The following CACHD1 variants were observed in gnomAD, a reference collection of about 807,000 sequenced individuals.
The protein encoded by CACHD1 is VWFA and cache domain-containing protein 1.
In CACHD1, 71 loss-of-function variants were observed where a neutral mutation model predicts 138.7. The observed-to-expected ratio is 0.51, with a 90% CI of 0.42 to 0.62. The LOEUF is 0.62. Ranked by LOEUF, CACHD1 falls within the 20% of genes least tolerant of loss-of-function variation. CACHD1 has a pLI of 0.00. For missense variants in CACHD1, 1,389 were observed against 1,625.3 expected, an observed-to-expected ratio of 0.85 and a Z score of 2.50; for synonymous variants, 578 against 591.5, an observed-to-expected ratio of 0.98 and a Z score of 0.33.
Position 64,686,626 on chromosome 1 carries a change from A to G in CACHD1, c.3586+4520A>G, listed in dbSNP as rs564723424. 3.7e-4 allele frequency among the ~76,000 whole-genome samples: 56 copies of G among 152,332 alleles called. No homozygotes were observed. In the Middle Eastern group the frequency reaches 0.01, roughly 28 times the overall value. Reference sequence around the variant, plus strand: ...TGCTTTGCCCATTTCTCTTAAAAATATCATGTTCTGTCCAATCATCTATTG... The same window carrying G: ...TGCTTTGCCCATTTCTCTTAAAAATGTCATGTTCTGTCCAATCATCTATTG... On this transcript the variant is annotated intron_variant, in intron 26 of 26. Coordinates refer to ENST00000651257, the MANE Select transcript of CACHD1 (RefSeq NM_020925.4).
At chr1:64,661,836 C>T (rs1017385200) in intron 13 of CACHD1, among the ~76,000 whole-genome samples, 3 of 152,176 alleles carry the variant, frequency 2.0e-5, no homozygotes, top group African/African-American at 7.2e-5. Context: ...TGAAACATAA[C>T]ATTATTTAAT....
At chr1:64,485,911 G>T (rs1365699653) in intron 1 of CACHD1, among the ~76,000 whole-genome samples, 2 of 152,150 alleles carry the variant, frequency 1.3e-5, no homozygotes, top group Non-Finnish European at 2.9e-5. Flanking sequence ...TATGTTAAGT[G>T]TATGTTAAAC....
intron 1 of CACHD1, among the ~76,000 whole-genome samples, chr1:64,500,957 G>A (rs1036527780): frequency 6.6e-6 from 1 of 151,610 alleles, no homozygotes; most frequent in African/African-American, 2.4e-5. Context: ...GCTGAGGCAG[G>A]AGAATTGCTT....
chr1:64,540,227 A>ACCCTC (rs1013013294), intron 1 of CACHD1, among the ~76,000 whole-genome samples: 8 of 151,712 alleles, frequency 5.3e-5, no homozygotes, highest in Non-Finnish European at 1.0e-4. Context: ...ATAAAGCACC[A>ACCCTC]CCCTCCAAGA....
chr1:64,656,526 T>TA (rs1228678223), intron 12 of CACHD1, among the ~76,000 whole-genome samples: 2 of 152,166 alleles, frequency 1.3e-5, no homozygotes, highest in African/African-American at 4.8e-5. Flanking sequence ...CCTGGGAAAA[T>TA]ATCTGCATGG....
At chr1:64,576,362 G>A (rs1024987465) in intron 2 of CACHD1, among the ~76,000 whole-genome samples, 3 of 151,950 alleles carry the variant, frequency 2.0e-5, no homozygotes, top group Non-Finnish European at 4.4e-5. Context: ...TTGGCCCTTC[G>A]GTCCTCTTCA....
chr1:64,602,767 G>A, intron 3 of CACHD1, 39 bp from the exon 4 acceptor site: 7 of 1,410,242 alleles, frequency 5.0e-6, no homozygotes, highest in Non-Finnish European at 6.0e-6. Context: ...GGTTTTTCTG[G>A]CCTGAATAAG....
At chr1:64,474,906 A>G (rs1334625217) in intron 1 of CACHD1, among the ~76,000 whole-genome samples, 2 of 152,226 alleles carry the variant, frequency 1.3e-5, no homozygotes, top group Non-Finnish European at 2.9e-5. Context: ...TTGGTCAGAC[A>G]GCTGCTGGAT....
intron 1 of CACHD1, among the ~76,000 whole-genome samples, chr1:64,494,234 TA>T (rs1646294095): frequency 6.6e-6 from 1 of 152,224 alleles, no homozygotes; most frequent in Non-Finnish European, 1.5e-5. Context: ...TCCTCTTAGT[TA>T]ATGCTTTAGA....
chr1:64,659,161 T>C (rs1183418527), intron 13 of CACHD1, among the ~76,000 whole-genome samples: 2 of 152,174 alleles, frequency 1.3e-5, no homozygotes, highest in African/African-American at 4.8e-5. Context: ...ACAAGTTTGA[T>C]GTTGAGTGAA....
Position 64,663,790 on chromosome 1 carries a change from G to T in CACHD1, c.2047G>T (p.Ala683Ser), listed in dbSNP as rs1557545992. The change falls in exon 14 of 27, where the codon GCC becomes TCC. Residue 683 changes from alanine to serine, a missense_variant. Physicochemically the swap from Ala to Ser is moderately conservative, Grantham distance 99 (BLOSUM62 1). This residue lies in a region of CACHD1 where 1,000 missense variants were observed against 1,114.7 expected (regional missense o/e 0.90). Coordinates refer to ENST00000651257, the MANE Select transcript of CACHD1 (RefSeq NM_020925.4). Reference sequence around the variant, plus strand: ...AAAGCGCATGGTAGAGCACTACACCGCCTATCTCAGCGACAACACCCGCCT... The same window carrying T: ...AAAGCGCATGGTAGAGCACTACACCTCCTATCTCAGCGACAACACCCGCCT... ...ETKRMVEHYTAYLSDNTRLIA... is the reference protein window; with the variant it reads ...ETKRMVEHYTSYLSDNTRLIA... The T allele has an allele frequency of 6.2e-7, 1 of 1,614,034 alleles. No homozygotes were observed. Among genetic ancestry groups the T allele is most frequent in the African/African-American group, 1.3e-5 (1 of 75,002 alleles).
At chr1:64,496,882 A>C (rs1206848092) in intron 1 of CACHD1, among the ~76,000 whole-genome samples, 1 of 151,346 alleles carries the variant, frequency 6.6e-6, no homozygotes, top group Admixed American at 6.6e-5. Context: ...AAAAAAAAGA[A>C]AGAAAAAGAA....
chr1:64,585,731 G>A (rs1425453713), intron 3 of CACHD1, among the ~76,000 whole-genome samples: 1 of 152,214 alleles, frequency 6.6e-6, no homozygotes, highest in Non-Finnish European at 1.5e-5. Flanking sequence ...TTTGCAACAG[G>A]AAGTGGCCTG....
At chr1:64,511,771 A>G (rs962734739) in intron 1 of CACHD1, among the ~76,000 whole-genome samples, 1 of 152,232 alleles carries the variant, frequency 6.6e-6, no homozygotes, top group Non-Finnish European at 1.5e-5. Flanking sequence ...AAAGCTAGAC[A>G]GCAAAGTGGT....
rs148540562 is a variant in CACHD1 at position 64,579,831 on chromosome 1, T to C, written c.262-2325T>C. On this transcript the variant is annotated intron_variant, in intron 2 of 26. Transcript: ENST00000651257. Reference sequence around the variant, plus strand: ...GAAGATACAGTGGTGAACAAAAACATATATCGTATGTTATCTTTTAACATC... The same window carrying C: ...GAAGATACAGTGGTGAACAAAAACACATATCGTATGTTATCTTTTAACATC... 365 of 154,172 alleles carry C rather than the reference T, an allele frequency of 2.4e-3. 2 individuals are homozygous for C. Among genetic ancestry groups the C allele is most frequent in the African/African-American group, 8.5e-3 (353 of 41,578 alleles). 9.6% of individuals were successfully genotyped at this position (154,172 alleles called of 1,614,324 possible). A position where few individuals can be genotyped will look rare whatever the true frequency, so the allele number is the denominator to read the frequency against.
chr1:64,581,347 C>T (rs1283210399), intron 2 of CACHD1, among the ~76,000 whole-genome samples: 1 of 152,132 alleles, frequency 6.6e-6, no homozygotes, highest in Non-Finnish European at 1.5e-5. Context: ...AGCTATAATT[C>T]TATCAGTCAT....
Position 64,679,632 on chromosome 1 carries a change from C to T in CACHD1, c.3282C>T (p.Ala1094=). 1.2e-6 allele frequency: 2 copies of T among 1,614,166 alleles called. No homozygotes were observed. Among genetic ancestry groups the T allele is most frequent in the Non-Finnish European group, 1.7e-6 (2 of 1,180,036 alleles). The part of the protein sequence containing the change: ...EVITLNMIKS[A]PVGPVAGGIM... Reference sequence around the variant, plus strand: ...TCACATTAAACATGATTAAAAGCGCCCCTGTGGGTCCTGTGGCTGGAGGGA... The same window carrying T: ...TCACATTAAACATGATTAAAAGCGCTCCTGTGGGTCCTGTGGCTGGAGGGA... Residue 1094 remains alanine, a synonymous_variant, in exon 24 of 27, where the codon GCC becomes GCT. Coordinates refer to ENST00000651257, the MANE Select transcript of CACHD1 (RefSeq NM_020925.4).
intron 1 of CACHD1, among the ~76,000 whole-genome samples, chr1:64,546,724 C>A (rs1646721019): frequency 1.3e-5 from 2 of 152,112 alleles, no homozygotes; most frequent in South Asian, 2.1e-4. Flanking sequence ...ACCCTGAAGT[C>A]ACAAAAATGT....
At chr1:64,631,485 G>GT (rs1557528439) in intron 5 of CACHD1, among the ~76,000 whole-genome samples, 1 of 152,236 alleles carries the variant, frequency 6.6e-6, no homozygotes, top group African/African-American at 2.4e-5. Flanking sequence ...CAGATTTTGA[G>GT]TTTTTTTGGT....
Sources: gnomAD v4.1 joint callset for allele counts (sites outside exome capture counted in the v4.1 genomes callset) on GRCh38, gnomAD v4.1.1 for gene constraint, gnomAD v4.1.1 regional missense constraint, MANE v1.5 for transcripts, NCBI Gene and HGNC (gene_info 2026-07-23, HGNC 2026-07-21) for gene names.